Variants in ATM observed in about 807,000 individuals in gnomAD.
The protein encoded by ATM is serine-protein kinase ATM.
A neutral mutation model predicts 387.0 loss-of-function variants in ATM; 308 were observed. The observed-to-expected ratio is 0.80, with a 90% CI of 0.73 to 0.87. The LOEUF is 0.87. Among genes scored for constraint, ATM ranks in the 40% least tolerant of loss-of-function variants. The probability of loss-of-function intolerance (pLI) is 0.00; values close to 1 mark genes in which losing one functional copy is unlikely to be tolerated. For synonymous variants in ATM, 1,156 were observed against 1,187.3 expected (o/e 0.97, Z 0.54); for missense variants, 3,312 against 3,560.9 (o/e 0.93, Z 1.78).
intron 4 of ATM, among the ~76,000 whole-genome samples, chr11:108,233,775 A>G (rs1006915497): frequency 6.6e-6 from 1 of 151,954 alleles, no homozygotes; most frequent in African/African-American, 2.4e-5. Flanking sequence ...TAAGTCCAGG[A>G]GGTCAAGGCT....
rs1289365149 is a variant in ATM at position 108,368,303 on chromosome 11, AAAG to A, written c.*2796_*2798del. The A allele has an allele frequency of 1.4e-5, 3 of 212,714 alleles. No individual in the cohort carries two copies. Among genetic ancestry groups the A allele is most frequent in the African/African-American group, 4.5e-5 (2 of 44,126 alleles). 13.2% of individuals were successfully genotyped at this position (212,714 alleles called of 1,614,324 possible). The stretch of plus-strand genomic sequence containing the variant: ...GACTCTGCCTCAAAAAAAAAAAAAA[AAAG>A]GTTTTGGCAAGCTGGAACTCTTTCT... On this transcript the variant is annotated 3_prime_UTR_variant, in exon 63 of 63. Coordinates refer to ENST00000675843, the MANE Select transcript of ATM (RefSeq NM_000051.4).
rs559095379 is a variant in ATM at position 108,250,989 on chromosome 11, T to C, written c.1524T>C (p.Leu508=). ...TACAAGCTGAAAACTTTGGCTTACT[T>C]GGAGCCATAATTCAGGGTAGTTTAG... is the stretch of plus-strand genomic sequence containing the variant. ...EQIQAENFGL[L]GAIIQGSLVE... Residue 508 remains leucine, a synonymous_variant, in exon 10 of 63, where the codon CTT becomes CTC. Coordinates refer to ENST00000675843, the MANE Select transcript of ATM (RefSeq NM_000051.4). The C allele has an allele frequency of 6.2e-7, 1 of 1,614,156 alleles. No homozygotes were observed. Among genetic ancestry groups the C allele is most frequent in the Non-Finnish European group, 8.5e-7 (1 of 1,180,002 alleles).
intron 59 of ATM, among the ~76,000 whole-genome samples, 174 bp from the exon 60 acceptor site, chr11:108,353,588 CACAG>C (rs1242767560): frequency 3.3e-5 from 5 of 152,164 alleles, no homozygotes; most frequent in African/African-American, 4.8e-5. Context: ...AGGTGGATCT[CACAG>C]ACAGTGACAA....
At position 108,299,771 on chromosome 11, in the gene ATM, T is replaced by C. The variant is rs199836342; in HGVS notation, c.5063T>C (p.Ile1688Thr). The C allele has an allele frequency of 1.5e-5, 25 of 1,614,024 alleles. No individual in the cohort carries two copies. In the East Asian group the frequency reaches 5.6e-4, roughly 36 times the overall value. The change falls in exon 34 of 63, where the codon ATA becomes ACA. Residue 1688 changes from isoleucine (I) to threonine (T), a missense_variant. By Grantham distance (89) the Ile-to-Thr change is moderately conservative. This residue lies in a region of ATM where 1,405 missense variants were observed against 1,604.4 expected (regional missense o/e 0.88). Transcript: ENST00000675843. Reference sequence around the variant, plus strand: ...CCTATAGATTTCTCTACCATAGCTATACAACATAGTAAAGATGCATCTTAT... The same window carrying C: ...CCTATAGATTTCTCTACCATAGCTACACAACATAGTAAAGATGCATCTTAT... ...VGPIDFSTIA[I>T]QHSKDASYTK...
intron 16 of ATM, among the ~76,000 whole-genome samples, chr11:108,260,237 G>A (rs1413291211): frequency 6.6e-6 from 1 of 152,050 alleles, no homozygotes; most frequent in Non-Finnish European, 1.5e-5. Flanking sequence ...GTTTCACCAT[G>A]TTGGCCAGGC....
In ATM at chr11:108,329,065, G is replaced by A. The variant is rs376185463; in HGVS notation, c.7134G>A (p.Glu2378=). ...AGNYDGESSD[E]LRNGKMKAFL... ...ATTATGATGGAGAAAGTAGTGATGA[G>A]CTAAGAAATGGAAAAATGAAGGCAT... is the stretch of plus-strand genomic sequence containing the variant. The change falls in exon 49 of 63, where the codon GAG becomes GAA. Residue 2378 remains glutamate (E), a synonymous_variant. Coordinates refer to ENST00000675843, the MANE Select transcript of ATM (RefSeq NM_000051.4). 1 of 1,613,970 alleles carries A rather than the reference G, an allele frequency of 6.2e-7. No homozygotes were observed. The highest frequency in any genetic ancestry group is 8.5e-7 in the Non-Finnish European group (1 of 1,180,022).
intron 57 of ATM, among the ~76,000 whole-genome samples, chr11:108,344,536 G>A (rs2088041924): frequency 6.6e-6 from 1 of 152,176 alleles, no homozygotes; most frequent in Non-Finnish European, 1.5e-5. Context: ...AGTAATATCA[G>A]ACTTGCATTT....
intron 61 of ATM, among the ~76,000 whole-genome samples, chr11:108,359,505 A>G (rs2090450342): frequency 6.6e-6 from 1 of 152,042 alleles, no homozygotes; most frequent in Non-Finnish European, 1.5e-5. Context: ...TTTTTTCAGC[A>G]CCACACCACA....
intron 61 of ATM, among the ~76,000 whole-genome samples, chr11:108,357,355 G>C (rs1429501629): frequency 6.6e-6 from 1 of 152,234 alleles, no homozygotes; most frequent in Non-Finnish European, 1.5e-5. Context: ...CAAGGTGGCA[G>C]CGAGGCTGGG....
At chr11:108,290,908 C>G (rs1401674746) in intron 29 of ATM, among the ~76,000 whole-genome samples, 1 of 151,582 alleles carries the variant, frequency 6.6e-6, no homozygotes, top group Non-Finnish European at 1.5e-5. Flanking sequence ...AATATTCTAG[C>G]TATTGATGGC....
At chr11:108,246,084 A>C (rs1446597315) in intron 7 of ATM, among the ~76,000 whole-genome samples, 1 of 151,994 alleles carries the variant, frequency 6.6e-6, no homozygotes, top group African/African-American at 2.4e-5. Flanking sequence ...TCAGCCTCCC[A>C]AAGTGCTGAG....
At chr11:108,239,639 C>T (rs2079461165) in intron 5 of ATM, among the ~76,000 whole-genome samples, 2 of 152,112 alleles carry the variant, frequency 1.3e-5, no homozygotes, top group African/African-American at 2.4e-5. Context: ...TGCTTTCAGT[C>T]TTTTGATTAT....
At chr11:108,361,865 T>G (rs1379368534) in intron 61 of ATM, among the ~76,000 whole-genome samples, 1 of 151,406 alleles carries the variant, frequency 6.6e-6, no homozygotes, top group African/African-American at 2.4e-5. Context: ...ACCTAGGCAT[T>G]ACCATTCAGG....
At chr11:108,233,106 C>A (rs576526242) in intron 4 of ATM, among the ~76,000 whole-genome samples, 1 of 152,316 alleles carries the variant, frequency 6.6e-6, no homozygotes, top group African/African-American at 2.4e-5. Flanking sequence ...AAGTGATCCA[C>A]CTGCCTTGTC....
chr11:108,308,394 A>G (rs575039549), intron 38 of ATM: 6 of 243,612 alleles, frequency 2.5e-5, no homozygotes, highest in Admixed American at 5.2e-5. Flanking sequence ...TTATTTTAAG[A>G]TGTAAGTTTC....
chr11:108,227,571 T>C, intron 1 of ATM, 24 bp from the exon 2 acceptor site: 1 of 1,400,824 alleles, frequency 7.1e-7, no homozygotes, highest in African/African-American at 1.4e-5. Flanking sequence ...TACATATATA[T>C]ACCTATATGT....
chr11:108,349,852 A>T (rs1394720530), intron 59 of ATM, among the ~76,000 whole-genome samples: 2 of 152,194 alleles, frequency 1.3e-5, no homozygotes, highest in African/African-American at 2.4e-5. Flanking sequence ...GAAATCATAA[A>T]GTACGTGAGT....
intron 16 of ATM, among the ~76,000 whole-genome samples, chr11:108,259,457 G>T (rs1261658730): frequency 1.3e-5 from 2 of 152,172 alleles, no homozygotes; most frequent in Non-Finnish European, 2.9e-5. Context: ...CTGCACTCCA[G>T]CCTAGGCGAC....
At chr11:108,232,527 CTTTTTTTTT>C (rs71047685) in intron 4 of ATM, among the ~76,000 whole-genome samples, 25 of 58,208 alleles carry the variant, frequency 4.3e-4, no homozygotes, top group African/African-American at 1.4e-3. Context: ...GATTTCTCTC[CTTTTTTTTT>C]TTTTTTTTTT....
Sources: allele counts gnomAD v4.1 joint callset (sites outside exome capture counted in the v4.1 genomes callset), GRCh38; gene constraint gnomAD v4.1.1; regional missense constraint gnomAD v4.1.1; transcripts MANE v1.5; gene names NCBI Gene and HGNC (gene_info 2026-07-23, HGNC 2026-07-21).